Variants in TRIM24 observed in about 807,000 individuals in gnomAD.
TRIM24 encodes tripartite motif containing 24, also known as transcription intermediary factor 1-alpha.
A neutral mutation model predicts 123.9 loss-of-function variants in TRIM24; 29 were observed. The ratio of observed to expected loss-of-function variants is 0.23; its 90% CI spans 0.17 to 0.32. TRIM24 has a LOEUF of 0.32. Ranked by LOEUF, TRIM24 falls within the 10% of genes least tolerant of loss-of-function variation. TRIM24 has a pLI of 1.00. For synonymous variants in TRIM24, 456 were observed against 461.1 expected (o/e 0.99, Z 0.14); for missense variants, 932 against 1,295.3 (o/e 0.72, Z 4.31).
At position 138,587,514 on chromosome 7, in the gene TRIM24, G is replaced by A. The variant is rs1563071777; in HGVS notation, c.*2563G>A. The A allele has an allele frequency of 6.6e-6, 1 of 152,160 alleles. No homozygotes were observed. Among genetic ancestry groups the A allele is most frequent in the Non-Finnish European group, 1.5e-5 (1 of 68,040 alleles). 9.4% of individuals were successfully genotyped at this position (152,160 alleles called of 1,614,324 possible). On this transcript the variant is annotated 3_prime_UTR_variant, in exon 19 of 19. Coordinates refer to ENST00000343526, the MANE Select transcript of TRIM24 (RefSeq NM_015905.3). ...CAAATAGAAATAAACCATAAAATGAGCCTAACTATAACCCACACTCACTTA... is the reference window on the plus strand; with the variant it reads ...CAAATAGAAATAAACCATAAAATGAACCTAACTATAACCCACACTCACTTA...
chr7:138,544,197 G>A (rs977492923), intron 7 of TRIM24, among the ~76,000 whole-genome samples: 3 of 152,038 alleles, frequency 2.0e-5, no homozygotes, highest in Admixed American at 1.3e-4. Flanking sequence ...TACCCACCTA[G>A]CCCCTAGTAA....
chr7:138,579,932 C>T (rs760606978), intron 15 of TRIM24, among the ~76,000 whole-genome samples: 3 of 151,108 alleles, frequency 2.0e-5, no homozygotes, highest in Non-Finnish European at 2.9e-5. Context: ...CTAGTCATTA[C>T]AAAAAGAAAA....
At chr7:138,533,136 A>G (rs1369637791) in intron 6 of TRIM24, among the ~76,000 whole-genome samples, 2 of 152,192 alleles carry the variant, frequency 1.3e-5, no homozygotes, top group Admixed American at 6.5e-5. Context: ...GGTTTTCTAA[A>G]TATACAATCA....
rs150748552 is a variant in TRIM24, at chr7:138,507,329, T to A, written c.483+2921T>A. Among the ~76,000 whole-genome samples, 3 of 152,202 alleles carry A rather than the reference T, an allele frequency of 2.0e-5. No homozygotes were observed. The East Asian group carries it at 5.8e-4, about 29-fold the overall frequency. The stretch of plus-strand genomic sequence containing the variant: ...CCAACCACTAGATTACATTGATGTT[T>A]ATTCCAGCCATTATATGATTTCATC... On this transcript the variant is annotated intron_variant, in intron 2 of 18. Transcript: ENST00000343526.
intron 2 of TRIM24, among the ~76,000 whole-genome samples, 174 bp from the exon 3 acceptor site, chr7:138,515,038 T>A (rs1049059249): frequency 6.6e-6 from 1 of 152,230 alleles, no homozygotes; most frequent in African/African-American, 2.4e-5. Context: ...CTTCACAGTA[T>A]TTTCATTTCT....
chr7:138,486,055 C>T (rs889247149), intron 1 of TRIM24, among the ~76,000 whole-genome samples: 1 of 152,166 alleles, frequency 6.6e-6, no homozygotes, highest in Admixed American at 6.5e-5. Context: ...GATGGTATCT[C>T]ATTGTGGTTT....
At chr7:138,579,072 AAC>A in intron 14 of TRIM24, 130 bp from the exon 15 acceptor site, 1 of 643,838 alleles carries the variant, frequency 1.6e-6, no homozygotes, top group Non-Finnish European at 2.5e-6. Context: ...GTTAGCAATA[AAC>A]ATATACCCTT....
chr7:138,529,285 A>G (rs1314895720), intron 6 of TRIM24, 55 bp downstream of exon 6: 2 of 916,304 alleles, frequency 2.2e-6, no homozygotes, highest in African/African-American at 1.7e-5. Context: ...TTCCTAAAGT[A>G]CTGTGAAGTA....
intron 1 of TRIM24, among the ~76,000 whole-genome samples, chr7:138,480,762 A>T (rs1479065252): frequency 6.6e-6 from 1 of 152,040 alleles, no homozygotes; most frequent in Non-Finnish European, 1.5e-5. Context: ...TCAGATGTAG[A>T]TGTTCACTAA....
chr7:138,581,744 G>A lies in TRIM24; in HGVS notation c.2766G>A (p.Leu922=). 6.2e-7 allele frequency: 1 copy of A among 1,613,250 alleles called. No individual in the cohort carries two copies. Among genetic ancestry groups the A allele is most frequent in the Non-Finnish European group, 8.5e-7 (1 of 1,179,618 alleles). The stretch of plus-strand genomic sequence containing the variant: ...TTCTTTACTGCCATGAAATGAGCCT[G>A]GCTTTTCAAGACCCTGTTCCTCTAA... ...LLFLYCHEMS[L]AFQDPVPLTV... The change falls in exon 17 of 19, where the codon CTG becomes CTA. Residue 922 remains leucine, a synonymous_variant. Coordinates refer to ENST00000343526, the MANE Select transcript of TRIM24 (RefSeq NM_015905.3).
chr7:138,498,664 G>A (rs909118933), intron 1 of TRIM24, among the ~76,000 whole-genome samples: 4 of 149,736 alleles, frequency 2.7e-5, no homozygotes, highest in Non-Finnish European at 5.9e-5. Context: ...TTTTTTTTCC[G>A]AGACGGAGTT....
chr7:138,529,103 T>C lies in TRIM24; in HGVS notation c.882-13T>C. On this transcript the variant is annotated splice_polypyrimidine_tract_variant and intron_variant, in intron 5 of 18. Coordinates refer to ENST00000343526, the MANE Select transcript of TRIM24 (RefSeq NM_015905.3). ...AAAAACTGCCTTATGTTTTTCCCCG[T>C]TTTAATTTTCAGAATTATTGAAGTA... 1 of 1,488,580 alleles carries C rather than the reference T, an allele frequency of 6.7e-7. No homozygotes were observed. The highest frequency in any genetic ancestry group is 1.3e-5 in the South Asian group (1 of 77,594). 92.2% of individuals were successfully genotyped at this position (1,488,580 alleles called of 1,614,324 possible).
intron 6 of TRIM24, among the ~76,000 whole-genome samples, chr7:138,537,961 T>C (rs1796928619): frequency 6.6e-6 from 1 of 152,226 alleles, no homozygotes; most frequent in African/African-American, 2.4e-5. Flanking sequence ...GTTAGGAACC[T>C]TTAAAATAAC....
Position 138,586,184 on chromosome 7 carries a change from T to C in TRIM24, c.*1233T>C, listed in dbSNP as rs1798015957. On this transcript the variant is annotated 3_prime_UTR_variant, in exon 19 of 19. Coordinates refer to ENST00000343526, the MANE Select transcript of TRIM24 (RefSeq NM_015905.3). Reference sequence around the variant, plus strand: ...ACCTACCCGGTTCAGCTGATATAGATAGATAGATAGATAGAAGAAAATTGC... The same window carrying C: ...ACCTACCCGGTTCAGCTGATATAGACAGATAGATAGATAGAAGAAAATTGC... The C allele has an allele frequency of 8.1e-6, 2 of 246,826 alleles. No individual in the cohort carries two copies. The highest frequency in any genetic ancestry group is 1.0e-4 in the South Asian group (2 of 19,406). 15.3% of individuals were successfully genotyped at this position (246,826 alleles called of 1,614,324 possible).
Position 138,515,424 on chromosome 7 carries a change from T to C in TRIM24, c.631+65T>C, listed in dbSNP as rs1584712621. The C allele has an allele frequency of 7.9e-6, 12 of 1,528,292 alleles. No individual in the cohort carries two copies. In the East Asian group the frequency reaches 2.7e-4, roughly 35 times the overall value. 94.7% of individuals were successfully genotyped at this position (1,528,292 alleles called of 1,614,324 possible). A position where few individuals can be genotyped will look rare whatever the true frequency, so the allele number is the denominator to read the frequency against. On this transcript the variant is annotated intron_variant, in intron 3 of 18. Coordinates refer to ENST00000343526, the MANE Select transcript of TRIM24 (RefSeq NM_015905.3). ...TCCCCGTCTTTTCTTCCTTCCTGTATTGACTTGTTTTGACACATTTGTTTT... is the reference window on the plus strand; with the variant it reads ...TCCCCGTCTTTTCTTCCTTCCTGTACTGACTTGTTTTGACACATTTGTTTT...
At chr7:138,474,015 C>T (rs1795342673) in intron 1 of TRIM24, among the ~76,000 whole-genome samples, 1 of 152,204 alleles carries the variant, frequency 6.6e-6, no homozygotes, top group Non-Finnish European at 1.5e-5. Context: ...AAGTGATCCT[C>T]CTGCCTTGGC....
chr7:138,545,882 AAC>A (rs1346765211), intron 7 of TRIM24, among the ~76,000 whole-genome samples: 2 of 152,248 alleles, frequency 1.3e-5, no homozygotes, highest in Non-Finnish European at 2.9e-5. Context: ...AATAAATTAT[AAC>A]ACACTGAATT....
chr7:138,504,572 C>T (rs1472704870), intron 2 of TRIM24, among the ~76,000 whole-genome samples, 164 bp downstream of exon 2: 3 of 150,256 alleles, frequency 2.0e-5, no homozygotes, highest in African/African-American at 7.3e-5. Context: ...ACACCATTCT[C>T]CTGCCTCAGC....
At chr7:138,521,968 G>A (rs1011235156) in intron 4 of TRIM24, among the ~76,000 whole-genome samples, 2 of 152,080 alleles carry the variant, frequency 1.3e-5, no homozygotes, top group South Asian at 2.1e-4. Flanking sequence ...ACCACTTTAT[G>A]CAATAATTGA....
Sources: allele counts gnomAD v4.1 joint callset (sites outside exome capture counted in the v4.1 genomes callset), GRCh38; gene constraint gnomAD v4.1.1; transcripts MANE v1.5; gene names NCBI Gene and HGNC (gene_info 2026-07-23, HGNC 2026-07-21).